Variants in ENOX1 observed in about 807,000 individuals in gnomAD.
The protein encoded by ENOX1 is candidate growth-related and time keeping constitutive hydroquinone (NADH) oxidase.
In ENOX1, 42 loss-of-function variants were observed where a neutral mutation model predicts 82.5. That is an observed-to-expected ratio of 0.51 (90% CI 0.40 to 0.66). ENOX1 has a LOEUF of 0.66. Among genes scored for constraint, ENOX1 ranks in the 30% least tolerant of loss-of-function variants. The probability of loss-of-function intolerance (pLI) is 0.00; values close to 1 mark genes in which losing one functional copy is unlikely to be tolerated. For missense variants in ENOX1, 608 were observed against 811.6 expected (o/e 0.75, Z 3.05); for synonymous variants, 271 against 282.2 (o/e 0.96, Z 0.40).
rs144700024 is a variant in ENOX1 at position 43,263,017 on chromosome 13, G to A, written c.1611+2381C>T. ...GGCTGGTGGCAACTTCAGATGAGAC[G>A]TAGACTTCATTTCAGACATTTAAGA... On this transcript the variant is annotated intron_variant, in intron 14 of 16. Coordinates refer to ENST00000690772, the MANE Select transcript of ENOX1 (RefSeq NM_001347969.2). Among the ~76,000 whole-genome samples the A allele has an allele frequency of 1.8e-3, 267 of 152,166 alleles. 1 individual carries two copies. Among genetic ancestry groups the A allele is most frequent in the African/African-American group, 6.2e-3 (258 of 41,500 alleles).
At chr13:43,473,795 G>A (rs2058168952) in intron 3 of ENOX1, among the ~76,000 whole-genome samples, 1 of 152,118 alleles carries the variant, frequency 6.6e-6, no homozygotes, top group African/African-American at 2.4e-5. Flanking sequence ...TGGGATGTCT[G>A]TACTCTGTAA....
At chr13:43,411,550 A>G (rs2054127509) in intron 5 of ENOX1, among the ~76,000 whole-genome samples, 1 of 152,246 alleles carries the variant, frequency 6.6e-6, no homozygotes, top group African/African-American at 2.4e-5. Flanking sequence ...GAGCAATAAC[A>G]AAAAGAAATA....
At chr13:43,648,871 G>A (rs1276970020) in intron 2 of ENOX1, among the ~76,000 whole-genome samples, 1 of 152,150 alleles carries the variant, frequency 6.6e-6, no homozygotes. Context: ...TAGACTCCCT[G>A]TGACGGCTAC....
intron 1 of ENOX1, among the ~76,000 whole-genome samples, chr13:43,718,394 G>T (rs76159628): frequency 0.046 from 7,039 of 152,000 alleles, 323 homozygotes; most frequent in African/African-American, 0.12. Flanking sequence ...AGGGAGGGAG[G>T]GAAGAGGGGA....
intron 2 of ENOX1, among the ~76,000 whole-genome samples, chr13:43,584,583 T>A (rs190335876): frequency 6.6e-6 from 1 of 152,294 alleles, no homozygotes; most frequent in East Asian, 1.9e-4. Context: ...TTCCAACCAC[T>A]GTTGATACAC....
At chr13:43,626,391 T>G (rs1407685597) in intron 2 of ENOX1, among the ~76,000 whole-genome samples, 3 of 151,916 alleles carry the variant, frequency 2.0e-5, no homozygotes, top group Non-Finnish European at 4.4e-5. Flanking sequence ...TTTAGTTTTT[T>G]GGGGTGATAA....
intron 1 of ENOX1, among the ~76,000 whole-genome samples, chr13:43,696,329 G>A (rs1230980193): frequency 1.3e-5 from 2 of 152,174 alleles, no homozygotes; most frequent in African/African-American, 4.8e-5. Flanking sequence ...GATATACTGG[G>A]CCATGTGGTA....
intron 1 of ENOX1, among the ~76,000 whole-genome samples, chr13:43,684,215 T>C (rs1264980274): frequency 6.6e-6 from 1 of 152,124 alleles, no homozygotes; most frequent in Non-Finnish European, 1.5e-5. Flanking sequence ...TATGAAATTG[T>C]CTTATTGCCC....
At chr13:43,271,191 T>C (rs1014296445) in intron 12 of ENOX1, among the ~76,000 whole-genome samples, 7 of 152,218 alleles carry the variant, frequency 4.6e-5, no homozygotes, top group African/African-American at 1.4e-4. Context: ...TGTTTGCTTA[T>C]TGCAGCACTT....
At chr13:43,223,525 G>A (rs1400438714) in intron 16 of ENOX1, among the ~76,000 whole-genome samples, 1 of 152,282 alleles carries the variant, frequency 6.6e-6, no homozygotes, top group South Asian at 2.1e-4. Flanking sequence ...TCTGGCTCTG[G>A]ATGTGAGCCT....
chr13:43,279,452 A>G (rs1441025324), intron 12 of ENOX1, among the ~76,000 whole-genome samples: 1 of 152,204 alleles, frequency 6.6e-6, no homozygotes, highest in Non-Finnish European at 1.5e-5. Context: ...CAAGATATCA[A>G]TGAATTTCTT....
intron 1 of ENOX1, among the ~76,000 whole-genome samples, chr13:43,783,812 C>G (rs1214448376): frequency 6.6e-6 from 1 of 152,054 alleles, no homozygotes; most frequent in African/African-American, 2.4e-5. Context: ...CACAATAATT[C>G]TTATTATAAT....
intron 1 of ENOX1, among the ~76,000 whole-genome samples, chr13:43,777,135 A>G (rs61960107): frequency 0.058 from 8,777 of 152,292 alleles, 352 homozygotes; most frequent in Middle Eastern, 0.095. Flanking sequence ...AATAAACTAG[A>G]AGTTCTACCT....
chr13:43,759,463 C>T (rs543499916), intron 1 of ENOX1, among the ~76,000 whole-genome samples: 24 of 152,226 alleles, frequency 1.6e-4, no homozygotes, highest in South Asian at 8.3e-4. Flanking sequence ...CATAGAACCT[C>T]GGAGTTAAAT....
chr13:43,418,360 T>C (rs1282710470), intron 3 of ENOX1, among the ~76,000 whole-genome samples: 1 of 152,044 alleles, frequency 6.6e-6, no homozygotes, highest in Non-Finnish European at 1.5e-5. Context: ...AAACCCTATC[T>C]CTACTAAAAA....
chr13:43,710,205 A>C (rs2087596937), intron 1 of ENOX1, among the ~76,000 whole-genome samples: 1 of 152,134 alleles, frequency 6.6e-6, no homozygotes, highest in South Asian at 2.1e-4. Flanking sequence ...ACTATGGCAA[A>C]GATAACAAAG....
chr13:43,565,615 A>G (rs1426653092), intron 2 of ENOX1, among the ~76,000 whole-genome samples: 1 of 152,140 alleles, frequency 6.6e-6, no homozygotes, highest in South Asian at 2.1e-4. Flanking sequence ...GGGGATTTCA[A>G]TCCATTTGGG....
chr13:43,683,309 A>G (rs934216311), intron 1 of ENOX1, among the ~76,000 whole-genome samples: 1 of 152,032 alleles, frequency 6.6e-6, no homozygotes. Flanking sequence ...AGGGGTTGGG[A>G]AGGAAATGGG....
chr13:43,785,391 T>C (rs1306479713), intron 1 of ENOX1, among the ~76,000 whole-genome samples: 1 of 152,140 alleles, frequency 6.6e-6, no homozygotes, highest in African/African-American at 2.4e-5. Flanking sequence ...TCAGATCCCT[T>C]AAGCACGCTT....
Sources: allele counts gnomAD v4.1 joint callset (sites outside exome capture counted in the v4.1 genomes callset), GRCh38; gene constraint gnomAD v4.1.1; transcripts MANE v1.5; gene names NCBI Gene and HGNC (gene_info 2026-07-23, HGNC 2026-07-21).